Variants in NPSR1 observed in about 807,000 individuals in gnomAD.
NPSR1 encodes the protein neuropeptide S receptor 1, also known as neuropeptide S receptor.
NPSR1 carries 48 observed loss-of-function variants against 46.9 expected under a neutral mutation model. The observed-to-expected ratio is 1.02, with a 90% confidence interval of 0.81 to 1.30. The LOEUF is 1.30. Among genes scored for constraint, NPSR1 ranks in the 50% most tolerant of loss-of-function variants. The pLI, the probability that NPSR1 is intolerant of heterozygous loss-of-function variation, is 0.00. For synonymous variants in NPSR1, 176 were observed against 168.1 expected (o/e 1.05, Z -0.36); for missense variants, 450 against 449.5 (o/e 1.00, Z -0.01).
chr7:34,689,917 T>C (rs969566167), intron 2 of NPSR1, among the ~76,000 whole-genome samples: 2 of 148,634 alleles, frequency 1.3e-5, no homozygotes, highest in African/African-American at 5.0e-5. Flanking sequence ...TGCACTCCCA[T>C]CTGGGTAACA....
At chr7:34,749,740 T>C (rs1785411795) in intron 2 of NPSR1, among the ~76,000 whole-genome samples, 1 of 152,240 alleles carries the variant, frequency 6.6e-6, no homozygotes, top group Non-Finnish European at 1.5e-5. Flanking sequence ...CAATTAAAGT[T>C]CAATTTCGTA....
chr7:34,752,153 C>T (rs969702105), intron 2 of NPSR1: 2 of 434,120 alleles, frequency 4.6e-6, no homozygotes, highest in South Asian at 2.3e-5. Flanking sequence ...ACCTTCCAAA[C>T]TATATGTCTA....
intron 2 of NPSR1, among the ~76,000 whole-genome samples, chr7:34,715,410 T>G (rs952088121): frequency 6.6e-6 from 1 of 152,204 alleles, no homozygotes; most frequent in African/African-American, 2.4e-5. Flanking sequence ...AACCCTCACC[T>G]TGGCACCTCT....
chr7:34,678,208 C>A (rs932739655), intron 1 of NPSR1, among the ~76,000 whole-genome samples: 1 of 146,872 alleles, frequency 6.8e-6, no homozygotes, highest in Admixed American at 6.9e-5. Flanking sequence ...TGATACAAGG[C>A]TTTGCAATTC....
rs994732972 is a variant in NPSR1, at chr7:34,838,160, C to T, written c.757+3700C>T. On this transcript the variant is annotated intron_variant, in intron 6 of 8. Transcript: ENST00000360581. ...CCCCCCAGGGAGGCTGACTTCCTGG[C>T]TCTCTCCAAAGTTCCCATGTCTCCT... is the stretch of plus-strand genomic sequence containing the variant. Among the ~76,000 whole-genome samples, 5 of 152,114 alleles carry T rather than the reference C, an allele frequency of 3.3e-5. No homozygotes were observed. The East Asian group carries it at 9.6e-4, about 29-fold the overall frequency.
intron 2 of NPSR1, among the ~76,000 whole-genome samples, chr7:34,746,208 C>G (rs915488962): frequency 7.2e-5 from 11 of 152,160 alleles, no homozygotes; most frequent in Admixed American, 7.2e-4. Flanking sequence ...CTCTGCAATT[C>G]TGATCAAAAA....
chr7:34,861,129 C>T (rs190201242), intron 8 of NPSR1, among the ~76,000 whole-genome samples: 55 of 151,882 alleles, frequency 3.6e-4, no homozygotes, highest in Non-Finnish European at 4.3e-4. Flanking sequence ...CCGCCTCTGC[C>T]GGAGGCAAAA....
Position 34,742,905 on chromosome 7 carries a change from CA to C in NPSR1, c.281-35556del, listed in dbSNP as rs377109133. Among the ~76,000 whole-genome samples, 10 of 152,266 alleles carry C rather than the reference CA, an allele frequency of 6.6e-5. No homozygotes were observed. The East Asian group carries it at 1.7e-3, about 26-fold the overall frequency. On this transcript the variant is annotated intron_variant, in intron 2 of 8. Transcript: ENST00000360581. The stretch of plus-strand genomic sequence containing the variant: ...TTTTGATTTGTATTTCTCTAATAAT[CA>C]GTGATATTGAGCTTTATTTCATGTG...
intron 3 of NPSR1, among the ~76,000 whole-genome samples, chr7:34,789,645 T>C (rs1787628110): frequency 6.9e-6 from 1 of 144,622 alleles, no homozygotes; most frequent in Non-Finnish European, 1.5e-5. Flanking sequence ...ATACAAAAAT[T>C]AGCCAGGTGT....
chr7:34,683,567 G>A lies in NPSR1; in HGVS notation c.148-985G>A, dbSNP rs566328661. ...CATGCTGCTATGACAGAATACCCAA[G>A]ACTGAGTAATTTATAAAGAAAAGTA... On this transcript the variant is annotated intron_variant, in intron 1 of 8. Transcript: ENST00000360581. 3.7e-4 allele frequency among the ~76,000 whole-genome samples: 57 copies of A among 152,090 alleles called. 1 individual carries two copies. Among genetic ancestry groups the A allele is most frequent in the African/African-American group, 1.4e-3 (57 of 41,466 alleles).
chr7:34,772,201 T>C (rs1434933484), intron 2 of NPSR1, among the ~76,000 whole-genome samples: 1 of 152,238 alleles, frequency 6.6e-6, no homozygotes, highest in Non-Finnish European at 1.5e-5. Context: ...CTAACATTAG[T>C]AAACCTCATT....
chr7:34,862,269 C>A (rs1170842588), intron 8 of NPSR1, among the ~76,000 whole-genome samples: 2 of 151,652 alleles, frequency 1.3e-5, no homozygotes, highest in African/African-American at 4.9e-5. Flanking sequence ...TCCTCCAAGC[C>A]CCAGCCTTGC....
At chr7:34,832,403 C>T (rs993511457) in intron 5 of NPSR1, among the ~76,000 whole-genome samples, 1 of 152,076 alleles carries the variant, frequency 6.6e-6, no homozygotes, top group Non-Finnish European at 1.5e-5. Flanking sequence ...CATAGTGGCG[C>T]ACACTGGTAG....
chr7:34,724,231 T>C (rs896186681), intron 2 of NPSR1, among the ~76,000 whole-genome samples: 10 of 152,364 alleles, frequency 6.6e-5, no homozygotes, highest in African/African-American at 2.4e-4. Flanking sequence ...TTCTGAACAG[T>C]GTAGCCATAT....
chr7:34,826,081 C>A (rs1206701066), intron 4 of NPSR1, among the ~76,000 whole-genome samples: 1 of 152,136 alleles, frequency 6.6e-6, no homozygotes, highest in Non-Finnish European at 1.5e-5. Flanking sequence ...ACCTGTGAGT[C>A]ATCACTAACA....
chr7:34,682,307 T>C (rs1319752377), intron 1 of NPSR1, among the ~76,000 whole-genome samples: 1 of 152,214 alleles, frequency 6.6e-6, no homozygotes, highest in African/African-American at 2.4e-5. Context: ...TTGATGGCCT[T>C]CTGTCATACC....
chr7:34,778,539 G>A lies in NPSR1; in HGVS notation c.358G>A (p.Val120Ile), dbSNP rs750515951. 6.2e-7 allele frequency: 1 copy of A among 1,611,992 alleles called. No individual in the cohort carries two copies. The highest frequency in any genetic ancestry group is 1.3e-5 in the African/African-American group (1 of 74,786). ...TGGAGACTTCACGGCACCTGACCTG[G>A]TTTGCCGAGTGGTCCGCTATTTGCA... ...FTGDFTAPDL[V>I]CRVVRYLQVV... The change falls in exon 3 of 9, where the codon GTT becomes ATT. Residue 120 changes from valine (V) to isoleucine (I), a missense_variant. Physicochemically the swap from Val to Ile is conservative, Grantham distance 29 (BLOSUM62 3). Coordinates refer to ENST00000360581, the MANE Select transcript of NPSR1 (RefSeq NM_207172.2).
At chr7:34,815,549 A>C (rs1310625991) in intron 4 of NPSR1, among the ~76,000 whole-genome samples, 1 of 152,166 alleles carries the variant, frequency 6.6e-6, no homozygotes, top group African/African-American at 2.4e-5. Flanking sequence ...CCAACACTCA[A>C]ATTCAGGAAA....
intron 2 of NPSR1, among the ~76,000 whole-genome samples, chr7:34,755,554 A>G (rs974282954): frequency 6.6e-6 from 1 of 152,126 alleles, no homozygotes; most frequent in East Asian, 1.9e-4. Flanking sequence ...TGCTTTTTTC[A>G]TTCCACTAGT....
Sources: allele counts gnomAD v4.1 joint callset (sites outside exome capture counted in the v4.1 genomes callset), GRCh38; gene constraint gnomAD v4.1.1; transcripts MANE v1.5; gene names NCBI Gene and HGNC (gene_info 2026-07-23, HGNC 2026-07-21).